FSHR: variants seen among roughly 807,000 people sequenced by gnomAD.
FSHR encodes the protein follicle stimulating hormone receptor.
Under a neutral mutation model 52.1 loss-of-function variants are expected in FSHR, and 46 were observed. The ratio of observed to expected loss-of-function variants is 0.88; its 90% confidence interval spans 0.70 to 1.13. FSHR has a LOEUF of 1.13. Ranked by LOEUF, FSHR falls within the 50% of genes most tolerant of loss-of-function variation. The pLI, the probability that FSHR is intolerant of heterozygous loss-of-function variation, is 0.00. For missense variants in FSHR, 964 were observed against 834.6 expected, an observed-to-expected ratio of 1.16 and a Z score of -1.91; for synonymous variants, 399 against 309.6, an observed-to-expected ratio of 1.29 and a Z score of -3.03.
chr2:48,997,861 A>T (rs1440467521), intron 4 of FSHR, among the ~76,000 whole-genome samples: 3 of 152,072 alleles, frequency 2.0e-5, no homozygotes, highest in African/African-American at 7.2e-5. Context: ...CTGGTCTGTT[A>T]CCTTCTACCT....
At chr2:49,118,885 G>T (rs1477265527) in intron 1 of FSHR, among the ~76,000 whole-genome samples, 1 of 152,178 alleles carries the variant, frequency 6.6e-6, no homozygotes, top group Non-Finnish European at 1.5e-5. Flanking sequence ...AAAAACCTTT[G>T]CATGGGATCC....
Position 48,962,432 on chromosome 2 carries a change from C to T in FSHR, c.*301G>A, listed in dbSNP as rs142845833. ...AATAATCCCTGTCCTGCTTATTTAA[C>T]AGGGATCACTTGAGATATCTGAACA... On this transcript the variant is annotated 3_prime_UTR_variant, in exon 10 of 10. Coordinates refer to ENST00000406846, the MANE Select transcript of FSHR (RefSeq NM_000145.4). The T allele has an allele frequency of 2.8e-6, 1 of 357,504 alleles. No individual in the cohort carries two copies. Among genetic ancestry groups the T allele is most frequent in the East Asian group, 6.9e-5 (1 of 14,546 alleles). 22.1% of individuals were successfully genotyped at this position (357,504 alleles called of 1,614,324 possible).
At chr2:49,134,414 A>G (rs535878979) in intron 1 of FSHR, among the ~76,000 whole-genome samples, 1 of 152,338 alleles carries the variant, frequency 6.6e-6, no homozygotes, top group Non-Finnish European at 1.5e-5. Context: ...GTCAGGAAAC[A>G]ACAGGTGCTG....
At chr2:49,089,944 GA>G (rs1344988327) in intron 1 of FSHR, among the ~76,000 whole-genome samples, 2 of 152,168 alleles carry the variant, frequency 1.3e-5, no homozygotes, top group East Asian at 1.9e-4. Flanking sequence ...CTGACCACTC[GA>G]AAAAGACTTA....
At chr2:48,995,089 T>G (rs1485008728) in intron 4 of FSHR, among the ~76,000 whole-genome samples, 2 of 152,156 alleles carry the variant, frequency 1.3e-5, no homozygotes, top group Non-Finnish European at 2.9e-5. Context: ...TTTATTAAGC[T>G]TCAGTAGTGT....
chr2:49,042,180 A>G (rs920426003), intron 2 of FSHR, among the ~76,000 whole-genome samples: 6 of 152,194 alleles, frequency 3.9e-5, no homozygotes, highest in African/African-American at 1.4e-4. Context: ...ACATTCTTCC[A>G]TATCATATTG....
At chr2:48,969,019 C>G in intron 8 of FSHR, 136 bp from the exon 9 acceptor site, 1 of 793,590 alleles carries the variant, frequency 1.3e-6, no homozygotes. Flanking sequence ...TCCTCCAACA[C>G]ACCTTGGCCA....
intron 2 of FSHR, among the ~76,000 whole-genome samples, chr2:49,064,422 T>A (rs1669430245): frequency 6.6e-6 from 1 of 152,052 alleles, no homozygotes; most frequent in Non-Finnish European, 1.5e-5. Flanking sequence ...TCTCTTCTCC[T>A]CTTCTGCCAC....
At position 49,036,795 on chromosome 2, in the gene FSHR, T is replaced by C. The variant is rs561031293; in HGVS notation, c.225-16635A>G. On this transcript the variant is annotated intron_variant, in intron 2 of 9. Transcript: ENST00000406846. ...ACTATCACAAAGACTAAAACAGTGA[T>C]GTTGCGAGTTCTGGCTGACATGGAA... Among the ~76,000 whole-genome samples the C allele has an allele frequency of 3.3e-5, 5 of 152,342 alleles. No homozygotes were observed. The South Asian group carries it at 8.3e-4, about 25-fold the overall frequency.
At position 48,963,571 on chromosome 2, in the gene FSHR, A is replaced by G. The variant is rs1358309526; in HGVS notation, c.1250T>C (p.Leu417Pro). ...ADLCIGIYLL[L>P]IASVDIHTKS... Reference sequence around the variant, plus strand: ...GGTATGGATATCAACTGATGCAATGAGCAGCAGGTAGATTCCAATGCAGAG... The same window carrying G: ...GGTATGGATATCAACTGATGCAATGGGCAGCAGGTAGATTCCAATGCAGAG... The change falls in exon 10 of 10, where the codon CTC (leucine) becomes CCC (proline). Residue 417 changes from leucine (L) to proline (P), a missense_variant. Coordinates refer to ENST00000406846, the MANE Select transcript of FSHR (RefSeq NM_000145.4). 2 of 1,614,080 alleles carry G rather than the reference A, an allele frequency of 1.2e-6. No homozygotes were observed. The highest frequency in any genetic ancestry group is 1.7e-6 in the Non-Finnish European group (2 of 1,180,030).
chr2:48,997,400 G>A, intron 4 of FSHR: 1 of 985,004 alleles, frequency 1.0e-6, no homozygotes, highest in Non-Finnish European at 1.2e-6. Context: ...ATTTCCTAGA[G>A]GAGAGGTCAG....
chr2:49,057,125 A>T (rs1314416870), intron 2 of FSHR, among the ~76,000 whole-genome samples: 1 of 152,100 alleles, frequency 6.6e-6, no homozygotes, highest in African/African-American at 2.4e-5. Context: ...AGGAAGAACA[A>T]ACCAAACCAA....
chr2:49,029,977 G>A (rs1668042541), intron 2 of FSHR, among the ~76,000 whole-genome samples: 1 of 152,188 alleles, frequency 6.6e-6, no homozygotes, highest in Non-Finnish European at 1.5e-5. Context: ...AAAAAGCTAG[G>A]GTGAGGCGGG....
At chr2:49,139,194 A>G (rs929860213) in intron 1 of FSHR, among the ~76,000 whole-genome samples, 4 of 152,214 alleles carry the variant, frequency 2.6e-5, no homozygotes, top group Non-Finnish European at 5.9e-5. Flanking sequence ...CTTGGCCCAC[A>G]TAGAACTTTA....
chr2:49,017,594 C>G (rs1437360536), intron 3 of FSHR, 31 bp from the exon 4 acceptor site: 3 of 1,501,380 alleles, frequency 2.0e-6, no homozygotes, highest in Non-Finnish European at 1.9e-6. Flanking sequence ...TGCTAGTGAT[C>G]TTGATGGTAA....
intron 2 of FSHR, among the ~76,000 whole-genome samples, chr2:49,057,120 G>A (rs540310561): frequency 6.6e-6 from 1 of 151,660 alleles, no homozygotes; most frequent in Admixed American, 6.6e-5. Context: ...AAAAAAGGAA[G>A]AACAAACCAA....
At position 49,004,580 on chromosome 2, in the gene FSHR, G is replaced by A. The variant is rs764447013; in HGVS notation, c.374+12909C>T. Among the ~76,000 whole-genome samples the A allele has an allele frequency of 5.8e-4, 88 of 152,206 alleles. 2 individuals carry two copies. Among genetic ancestry groups the A allele is most frequent in the Non-Finnish European group, 3.8e-4 (26 of 68,002 alleles). ...TTCAGGGCTAGAGTAGATCTTAGAGGATTTTCTATTTTCCTCATTTGACTA... is the reference window on the plus strand; with the variant it reads ...TTCAGGGCTAGAGTAGATCTTAGAGAATTTTCTATTTTCCTCATTTGACTA... On this transcript the variant is annotated intron_variant, in intron 4 of 9. Coordinates refer to ENST00000406846, the MANE Select transcript of FSHR (RefSeq NM_000145.4).
intron 6 of FSHR, among the ~76,000 whole-genome samples, chr2:48,985,441 C>G (rs1675457260): frequency 6.6e-6 from 1 of 152,026 alleles, no homozygotes; most frequent in South Asian, 2.1e-4. Flanking sequence ...TTTATTTCTT[C>G]TGAATTAGGA....
intron 9 of FSHR, among the ~76,000 whole-genome samples, chr2:48,964,496 C>T (rs1358835368): frequency 1.3e-5 from 2 of 152,180 alleles, no homozygotes; most frequent in African/African-American, 2.4e-5. Flanking sequence ...CTCTTTGGTA[C>T]TCAGGCTATT....
Sources: gnomAD v4.1 joint callset for allele counts (sites outside exome capture counted in the v4.1 genomes callset) on GRCh38, gnomAD v4.1.1 for gene constraint, MANE v1.5 for transcripts, NCBI Gene and HGNC (gene_info 2026-07-23, HGNC 2026-07-21) for gene names.